The following ZFP36 variants were observed in gnomAD, a reference collection of about 807,000 sequenced individuals.
ZFP36 encodes the protein mRNA decay activator protein ZFP36.
A neutral mutation model predicts 19.8 loss-of-function variants in ZFP36; 13 were observed. That is an observed-to-expected ratio of 0.66 (90% CI 0.43 to 1.04). ZFP36 has a LOEUF of 1.04. Among genes scored for constraint, ZFP36 ranks in the 50% least tolerant of loss-of-function variants. The pLI is 0.00. For synonymous variants in ZFP36, 191 were observed against 194.5 expected, an observed-to-expected ratio of 0.98 and a Z score of 0.15; for missense variants, 354 against 441.6, an observed-to-expected ratio of 0.80 and a Z score of 1.78.
chr19:39,408,841 A>G lies in ZFP36; in HGVS notation c.*142A>G. 1 of 781,564 alleles carries G rather than the reference A, an allele frequency of 1.3e-6. No individual in the cohort carries two copies. The highest frequency in any genetic ancestry group is 1.9e-6 in the Non-Finnish European group (1 of 521,124). The allele number at this position is 781,564 out of a possible 1,614,324, so 48.4% of individuals were successfully genotyped here. On this transcript the variant is annotated 3_prime_UTR_variant, in exon 2 of 2. Coordinates refer to ENST00000597629, the MANE Select transcript of ZFP36 (RefSeq NM_003407.5). This position sits in a 1 kb window ranked among gnomAD's most constrained non-coding sequence, Gnocchi z 6.0. ...CCCCTTTTCCAGAATGCATTAACCC[A>G]CTCCCCTGACCTCACGCTGGGGCAG...
Position 39,409,269 on chromosome 19 carries a change from TTTC to T in ZFP36, c.*574_*576del, listed in dbSNP as rs969148245. 6.7e-6 allele frequency: 1 copy of T among 148,610 alleles called. No individual in the cohort carries two copies. Among genetic ancestry groups the T allele is most frequent in the Admixed American group, 6.8e-5 (1 of 14,652 alleles). The allele number at this position is 148,610 out of a possible 1,614,324, so 9.2% of individuals were successfully genotyped here. On this transcript the variant is annotated 3_prime_UTR_variant, in exon 2 of 2. Coordinates refer to ENST00000597629, the MANE Select transcript of ZFP36 (RefSeq NM_003407.5). ...TTGGGTCGTCTGCTTCCCTTGTATT[TTTC>T]TTCCTTTTTTTGTAATATTGAAAAC...
chr19:39,408,404 C>T lies in ZFP36; in HGVS notation c.686C>T (p.Pro229Leu). Residue 229 changes from proline (P) to leucine (L), a missense_variant, in exon 2 of 2, where the codon CCC (proline) becomes CTC (leucine). Coordinates refer to ENST00000597629, the MANE Select transcript of ZFP36 (RefSeq NM_003407.5). The surrounding 1 kb of genome is among the most constrained non-coding windows in gnomAD (Gnocchi z 6.0). ...CCACCTGGGGACCTTCCACTGTCAC[C>T]CTCTGCCTTCTCTGCTGCCCCTGGC... ...PPPPGDLPLS[P>L]SAFSAAPGTP... 1 of 1,613,974 alleles carries T rather than the reference C, an allele frequency of 6.2e-7. No individual in the cohort carries two copies. The highest frequency in any genetic ancestry group is 8.5e-7 in the Non-Finnish European group (1 of 1,179,988).
Position 39,408,971 on chromosome 19 carries a change from CCCTCTCCCCCA to C in ZFP36, c.*278_*288del. 1 of 335,502 alleles carries C rather than the reference CCCTCTCCCCCA, an allele frequency of 3.0e-6. No individual in the cohort carries two copies. Among genetic ancestry groups the C allele is most frequent in the South Asian group, 7.5e-5 (1 of 13,328 alleles). The allele number at this position is 335,502 out of a possible 1,614,324, so 20.8% of individuals were successfully genotyped here. On this transcript the variant is annotated 3_prime_UTR_variant, in exon 2 of 2. Transcript: ENST00000597629. The surrounding 1 kb of genome is among the most constrained non-coding windows in gnomAD (Gnocchi z 6.0). ...TAGCATATTTAAGGGAGGCAATGAA[CCCTCTCCCCCA>C]CCTCTTCCCTGCCCAAATCTGTCTC...
At position 39,407,059 on chromosome 19, in the gene ZFP36, C is replaced by G; in HGVS notation, c.24+131C>G. ...AACTGGGGCTCCCTAGCGCCGCGCC[C>G]TCCAGCCTGGGGCCCCTGCCTCCCG... On this transcript the variant is annotated intron_variant, in intron 1 of 1. Transcript: ENST00000597629. The surrounding 1 kb of genome is among the most constrained non-coding windows in gnomAD (Gnocchi z 7.6). The G allele has an allele frequency of 3.3e-6, 4 of 1,222,924 alleles. No individual in the cohort carries two copies. The highest frequency in any genetic ancestry group is 4.5e-6 in the Non-Finnish European group (4 of 898,400). 75.8% of individuals were successfully genotyped at this position (1,222,924 alleles called of 1,614,324 possible).
Position 39,406,901 on chromosome 19 carries a change from C to T in ZFP36, c.-4C>T. On this transcript the variant is annotated 5_prime_UTR_variant, in exon 1 of 2. Coordinates refer to ENST00000597629, the MANE Select transcript of ZFP36 (RefSeq NM_003407.5). ...CGACACCCCTCATGGCCAACCGTTA[C>T]ACCATGGATCTGACTGCCATCTACG... 1.2e-6 allele frequency: 2 copies of T among 1,611,148 alleles called. No individual in the cohort carries two copies. Among genetic ancestry groups the T allele is most frequent in the Non-Finnish European group, 8.5e-7 (1 of 1,179,192 alleles).
rs1238690972 is a variant in ZFP36, at chr19:39,407,337, T to G, written c.25-406T>G. The stretch of plus-strand genomic sequence containing the variant: ...ATCCGACTTCTGTCTCTCCAGTCCC[T>G]GACCGTAGAGACAGAGAACCCTAAA... On this transcript the variant is annotated intron_variant, in intron 1 of 1. Coordinates refer to ENST00000597629, the MANE Select transcript of ZFP36 (RefSeq NM_003407.5). This position sits in a 1 kb window ranked among gnomAD's most constrained non-coding sequence, Gnocchi z 7.6. The G allele has an allele frequency of 2.3e-6, 1 of 438,000 alleles. No homozygotes were observed. The allele number at this position is 438,000 out of a possible 1,614,324, so 27.1% of individuals were successfully genotyped here. A position where few individuals can be genotyped will look rare whatever the true frequency, so the allele number is the denominator to read the frequency against.
Position 39,407,937 on chromosome 19 carries a change from C to T in ZFP36, c.219C>T (p.Pro73=). 1 of 1,596,684 alleles carries T rather than the reference C, an allele frequency of 6.3e-7. No individual in the cohort carries two copies. Among genetic ancestry groups the T allele is most frequent in the Non-Finnish European group, 8.5e-7 (1 of 1,174,830 alleles). The part of the protein sequence containing the change: ...EGRSCGWVPP[P]PGFAPLAPRL... ...GCAGCTGTGGCTGGGTGCCCCCACC[C>T]CCTGGCTTCGCACCGCTGGCTCCCC... The change falls in exon 2 of 2, where the codon CCC becomes CCT. Residue 73 remains proline (P), a synonymous_variant. Transcript: ENST00000597629. The surrounding 1 kb of genome is among the most constrained non-coding windows in gnomAD (Gnocchi z 7.6).
rs535683953 is a variant in ZFP36 at position 39,407,767 on chromosome 19, G to A, written c.49G>A (p.Val17Met). 1.3e-4 allele frequency: 202 copies of A among 1,550,510 alleles called. 1 individual carries two copies. In the South Asian group the frequency reaches 2.1e-3, roughly 16 times the overall value. ...GAGCCTCCTGTCGCTGAGCCCTGAC[G>A]TGCCCGTGCCATCCGACCATGGAGG... ...YESLLSLSPD[V>M]PVPSDHGGTE... Residue 17 changes from valine to methionine, a missense_variant, in exon 2 of 2, where the codon GTG becomes ATG. Transcript: ENST00000597629. The surrounding 1 kb of genome is among the most constrained non-coding windows in gnomAD (Gnocchi z 7.6).
At position 39,407,632 on chromosome 19, in the gene ZFP36, T is replaced by TTC; in HGVS notation, c.25-111_25-110insTC. On this transcript the variant is annotated intron_variant, in intron 1 of 1. Transcript: ENST00000597629. The surrounding 1 kb of genome is among the most constrained non-coding windows in gnomAD (Gnocchi z 7.6). Reference sequence around the variant, plus strand: ...GAACCCAGGGGTTTCTGCGGGCGGGTGGGGCTCAGGCGGGGAGCCCACAAA... The same window carrying TTC: ...GAACCCAGGGGTTTCTGCGGGCGGGTTCGGGGCTCAGGCGGGGAGCCCACAAA... 2 of 971,960 alleles carry TTC rather than the reference T, an allele frequency of 2.1e-6. No homozygotes were observed. Among genetic ancestry groups the TTC allele is most frequent in the Non-Finnish European group, 2.9e-6 (2 of 680,970 alleles). The allele number at this position is 971,960 out of a possible 1,614,324, so 60.2% of individuals were successfully genotyped here.
At position 39,407,968 on chromosome 19, in the gene ZFP36, G is replaced by A. The variant is rs1207193310; in HGVS notation, c.250G>A (p.Gly84Ser). 1.9e-6 allele frequency: 3 copies of A among 1,604,154 alleles called. No individual in the cohort carries two copies. Among genetic ancestry groups the A allele is most frequent in the Non-Finnish European group, 2.5e-6 (3 of 1,177,528 alleles). The change falls in exon 2 of 2, where the codon GGC becomes AGC. Residue 84 changes from glycine to serine, a missense_variant. Coordinates refer to ENST00000597629, the MANE Select transcript of ZFP36 (RefSeq NM_003407.5). The surrounding 1 kb of genome is among the most constrained non-coding windows in gnomAD (Gnocchi z 7.6). ...CTTCGCACCGCTGGCTCCCCGCCTGGGCCCTGAGCTGTCACCCTCACCCAC... is the reference window on the plus strand; with the variant it reads ...CTTCGCACCGCTGGCTCCCCGCCTGAGCCCTGAGCTGTCACCCTCACCCAC... ...PGFAPLAPRL[G>S]PELSPSPTSP...
At position 39,408,609 on chromosome 19, in the gene ZFP36, C is replaced by A. The variant is rs752975772; in HGVS notation, c.891C>A (p.Pro297=). Reference sequence around the variant, plus strand: ...GCAGCCTGGGGGGCTCTGACTCTCCCGTCTTCGAGGCGGGAGTTTTTGCAC... The same window carrying A: ...GCAGCCTGGGGGGCTCTGACTCTCCAGTCTTCGAGGCGGGAGTTTTTGCAC... ...SGSSLGGSDS[P]VFEAGVFAPP... The change falls in exon 2 of 2, where the codon CCC becomes CCA. Residue 297 remains proline, a synonymous_variant. Coordinates refer to ENST00000597629, the MANE Select transcript of ZFP36 (RefSeq NM_003407.5). The surrounding 1 kb of genome is among the most constrained non-coding windows in gnomAD (Gnocchi z 6.0). The A allele has an allele frequency of 2.5e-6, 4 of 1,611,492 alleles. No individual in the cohort carries two copies. Among genetic ancestry groups the A allele is most frequent in the Non-Finnish European group, 3.4e-6 (4 of 1,178,966 alleles).
chr19:39,407,952 G>A lies in ZFP36; in HGVS notation c.234G>A (p.Pro78=), dbSNP rs1243962046. The A allele has an allele frequency of 1.3e-6, 2 of 1,598,714 alleles. No homozygotes were observed. The highest frequency in any genetic ancestry group is 1.7e-6 in the Non-Finnish European group (2 of 1,175,410). Reference sequence around the variant, plus strand: ...TGCCCCCACCCCCTGGCTTCGCACCGCTGGCTCCCCGCCTGGGCCCTGAGC... The same window carrying A: ...TGCCCCCACCCCCTGGCTTCGCACCACTGGCTCCCCGCCTGGGCCCTGAGC... ...GWVPPPPGFA[P]LAPRLGPELS... The change falls in exon 2 of 2, where the codon CCG becomes CCA. Residue 78 remains proline (P), a synonymous_variant. Transcript: ENST00000597629. The surrounding 1 kb of genome is among the most constrained non-coding windows in gnomAD (Gnocchi z 7.6).
chr19:39,408,814 A>G lies in ZFP36; in HGVS notation c.*115A>G. The G allele has an allele frequency of 9.2e-7, 1 of 1,090,136 alleles. No individual in the cohort carries two copies. The highest frequency in any genetic ancestry group is 1.3e-6 in the Non-Finnish European group (1 of 776,392). 67.5% of individuals were successfully genotyped at this position (1,090,136 alleles called of 1,614,324 possible). A position where few individuals can be genotyped will look rare whatever the true frequency, so the allele number is the denominator to read the frequency against. ...GGACTTGGGGGACAGTAATCAAGTA[A>G]TCCCCTTTTCCAGAATGCATTAACC... On this transcript the variant is annotated 3_prime_UTR_variant, in exon 2 of 2. Coordinates refer to ENST00000597629, the MANE Select transcript of ZFP36 (RefSeq NM_003407.5). The surrounding 1 kb of genome is among the most constrained non-coding windows in gnomAD (Gnocchi z 6.0).
rs2078483526 is a variant in ZFP36 at position 39,407,670 on chromosome 19, G to C, written c.25-73G>C. On this transcript the variant is annotated intron_variant, in intron 1 of 1. Coordinates refer to ENST00000597629, the MANE Select transcript of ZFP36 (RefSeq NM_003407.5). This position sits in a 1 kb window ranked among gnomAD's most constrained non-coding sequence, Gnocchi z 7.6. ...GGGAGCCCACAAACCGGCCTGGCAA[G>C]CTCTAGTTCCCTGCAGCTGGGGTGG... is the stretch of plus-strand genomic sequence containing the variant. 1 of 1,407,936 alleles carries C rather than the reference G, an allele frequency of 7.1e-7. No homozygotes were observed. Among genetic ancestry groups the C allele is most frequent in the African/African-American group, 1.4e-5 (1 of 69,518 alleles). The allele number at this position is 1,407,936 out of a possible 1,614,324, so 87.2% of individuals were successfully genotyped here. A position where few individuals can be genotyped will look rare whatever the true frequency, so the allele number is the denominator to read the frequency against.
Position 39,408,921 on chromosome 19 carries a change from G to A in ZFP36, c.*222G>A. ...GATGGTGGGGGATGGAGTGTCTTCC[G>A]AGGTTCTTGGGGGAAAAAAAATTGT... On this transcript the variant is annotated 3_prime_UTR_variant, in exon 2 of 2. Coordinates refer to ENST00000597629, the MANE Select transcript of ZFP36 (RefSeq NM_003407.5). This position sits in a 1 kb window ranked among gnomAD's most constrained non-coding sequence, Gnocchi z 6.0. 1 of 436,778 alleles carries A rather than the reference G, an allele frequency of 2.3e-6. No homozygotes were observed. Among genetic ancestry groups the A allele is most frequent in the Non-Finnish European group, 4.0e-6 (1 of 249,980 alleles). 27.1% of individuals were successfully genotyped at this position (436,778 alleles called of 1,614,324 possible). A position where few individuals can be genotyped will look rare whatever the true frequency, so the allele number is the denominator to read the frequency against.
At position 39,407,806 on chromosome 19, in the gene ZFP36, C is replaced by A. The variant is rs1234108164; in HGVS notation, c.88C>A (p.Pro30Thr). Reference sequence around the variant, plus strand: ...CGACCATGGAGGGACTGAGTCCAGCCCAGGCTGGGGCTCCTCGGGACCCTG... The same window carrying A: ...CGACCATGGAGGGACTGAGTCCAGCACAGGCTGGGGCTCCTCGGGACCCTG... Reference protein sequence around the residue: ...PSDHGGTESSPGWGSSGPWSL... With the variant: ...PSDHGGTESSTGWGSSGPWSL... The change falls in exon 2 of 2, where the codon CCA becomes ACA. Residue 30 changes from proline to threonine, a missense_variant. By Grantham distance (38) the Pro-to-Thr change is conservative (BLOSUM62 -1). Coordinates refer to ENST00000597629, the MANE Select transcript of ZFP36 (RefSeq NM_003407.5). The surrounding 1 kb of genome is among the most constrained non-coding windows in gnomAD (Gnocchi z 7.6). 1 of 1,596,094 alleles carries A rather than the reference C, an allele frequency of 6.3e-7. No homozygotes were observed. The highest frequency in any genetic ancestry group is 8.5e-7 in the Non-Finnish European group (1 of 1,173,398).
rs747036259 is a variant in ZFP36 at position 39,408,405 on chromosome 19, C to G, written c.687C>G (p.Pro229=). The G allele has an allele frequency of 6.2e-7, 1 of 1,613,922 alleles. No individual in the cohort carries two copies. Among genetic ancestry groups the G allele is most frequent in the East Asian group, 2.2e-5 (1 of 44,872 alleles). The change falls in exon 2 of 2, where the codon CCC becomes CCG. Residue 229 remains proline (P), a synonymous_variant. Transcript: ENST00000597629. The surrounding 1 kb of genome is among the most constrained non-coding windows in gnomAD (Gnocchi z 6.0). The part of the protein sequence containing the change: ...PPPPGDLPLS[P]SAFSAAPGTP... The stretch of plus-strand genomic sequence containing the variant: ...CACCTGGGGACCTTCCACTGTCACC[C>G]TCTGCCTTCTCTGCTGCCCCTGGCA...
At position 39,407,643 on chromosome 19, in the gene ZFP36, C is replaced by A; in HGVS notation, c.25-100C>A. 9.0e-7 allele frequency: 1 copy of A among 1,115,064 alleles called. No homozygotes were observed. Among genetic ancestry groups the A allele is most frequent in the Non-Finnish European group, 1.2e-6 (1 of 803,782 alleles). 69.1% of individuals were successfully genotyped at this position (1,115,064 alleles called of 1,614,324 possible). On this transcript the variant is annotated intron_variant, in intron 1 of 1. Transcript: ENST00000597629. The surrounding 1 kb of genome is among the most constrained non-coding windows in gnomAD (Gnocchi z 7.6). Reference sequence around the variant, plus strand: ...TTTCTGCGGGCGGGTGGGGCTCAGGCGGGGAGCCCACAAACCGGCCTGGCA... The same window carrying A: ...TTTCTGCGGGCGGGTGGGGCTCAGGAGGGGAGCCCACAAACCGGCCTGGCA...
Position 39,408,799 on chromosome 19 carries a change from G to T in ZFP36, c.*100G>T. The T allele has an allele frequency of 8.3e-7, 1 of 1,210,336 alleles. No homozygotes were observed. Among genetic ancestry groups the T allele is most frequent in the East Asian group, 2.4e-5 (1 of 41,352 alleles). The allele number at this position is 1,210,336 out of a possible 1,614,324, so 75.0% of individuals were successfully genotyped here. The stretch of plus-strand genomic sequence containing the variant: ...ACCCCAGGGCTGTGGGGACTTGGGG[G>T]ACAGTAATCAAGTAATCCCCTTTTC... On this transcript the variant is annotated 3_prime_UTR_variant, in exon 2 of 2. Transcript: ENST00000597629. This position sits in a 1 kb window ranked among gnomAD's most constrained non-coding sequence, Gnocchi z 6.0.
Sources: allele counts gnomAD v4.1 joint callset, GRCh38; gene constraint gnomAD v4.1.1; non-coding constraint Gnocchi (gnomAD v3.1); transcripts MANE v1.5; gene names NCBI Gene and HGNC (gene_info 2026-07-23, HGNC 2026-07-21).